Variants in SLC17A4 observed in about 807,000 individuals in gnomAD.
The protein encoded by SLC17A4 is probable small intestine urate exporter.
In SLC17A4, 33 loss-of-function variants were observed where a neutral mutation model predicts 52.5. That is an observed-to-expected ratio of 0.63 (90% confidence interval 0.48 to 0.84). SLC17A4 has a LOEUF of 0.84. SLC17A4 is among the 40% of genes least tolerant of loss of function. The probability of loss-of-function intolerance (pLI) is 0.00; values close to 1 mark genes in which losing one functional copy is unlikely to be tolerated. For synonymous variants in SLC17A4, 225 were observed against 216.2 expected (o/e 1.04, Z -0.36); for missense variants, 585 against 597.1 (o/e 0.98, Z 0.21).
intron 11 of SLC17A4, 145 bp from the exon 12 acceptor site, chr6:25,778,909 G>A: frequency 2.1e-6 from 2 of 970,014 alleles, no homozygotes; most frequent in Non-Finnish European, 3.1e-6. Context: ...AAATGTACTT[G>A]AGTATTCTAG....
chr6:25,770,617 T>C (rs538751692), intron 5 of SLC17A4, 146 bp downstream of exon 5: 182 of 746,616 alleles, frequency 2.4e-4, no homozygotes, highest in Non-Finnish European at 3.6e-4. Flanking sequence ...CCTTACTTGA[T>C]TGTAACTGAA....
intron 2 of SLC17A4, among the ~76,000 whole-genome samples, chr6:25,765,997 C>G (rs1761976877): frequency 6.6e-6 from 1 of 151,512 alleles, no homozygotes; most frequent in South Asian, 2.1e-4. Context: ...GAGACAGAAG[C>G]ATTGAAAATG....
At chr6:25,762,787 C>CAACT (rs1761658374) in intron 2 of SLC17A4, among the ~76,000 whole-genome samples, 1 of 152,160 alleles carries the variant, frequency 6.6e-6, no homozygotes, top group African/African-American at 2.4e-5. Context: ...ACTCAACCTA[C>CAACT]AACTAGTCAC....
At position 25,779,124 on chromosome 6, in the gene SLC17A4, A is replaced by T; in HGVS notation, c.1430A>T (p.Tyr477Phe). Reference protein sequence around the residue: ...AAVNISGLVFYLIFGRADVQD... With the variant: ...AAVNISGLVFFLIFGRADVQD... ...GTTAACATATCGGGCCTGGTTTTCT[A>T]CCTCATCTTTGGCCGAGCAGATGTG... The change falls in exon 12 of 12, where the codon TAC (tyrosine) becomes TTC (phenylalanine). Residue 477 changes from tyrosine to phenylalanine, a missense_variant. Coordinates refer to ENST00000377905, the MANE Select transcript of SLC17A4 (RefSeq NM_005495.3). 5.6e-6 allele frequency: 9 copies of T among 1,613,910 alleles called. No homozygotes were observed. The highest frequency in any genetic ancestry group is 7.6e-6 in the Non-Finnish European group (9 of 1,179,836).
At position 25,776,705 on chromosome 6, in the gene SLC17A4, C is replaced by T. The variant is rs201452377; in HGVS notation, c.1098C>T (p.Ile366=). ...LSRKILRLIT[I]RKLFTAIGVL... The stretch of plus-strand genomic sequence containing the variant: ...GAAAAATCCTCAGACTCATCACCAT[C>T]AGGAAACTCTTCACTGCCATTGGTA... The change falls in exon 9 of 12, where the codon ATC becomes ATT. Residue 366 remains isoleucine (I), a synonymous_variant. Transcript: ENST00000377905. The T allele has an allele frequency of 5.0e-6, 8 of 1,613,952 alleles. No individual in the cohort carries two copies. Among genetic ancestry groups the T allele is most frequent in the Non-Finnish European group, 6.8e-6 (8 of 1,179,896 alleles).
chr6:25,771,162 A>C, intron 6 of SLC17A4, 150 bp downstream of exon 6: 1 of 669,118 alleles, frequency 1.5e-6, no homozygotes. Context: ...TTTAAGTTTC[A>C]GCAGCCCGAG....
intron 11 of SLC17A4, among the ~76,000 whole-genome samples, 170 bp from the exon 12 acceptor site, chr6:25,778,884 T>G (rs1763155835): frequency 6.6e-6 from 1 of 152,120 alleles, no homozygotes; most frequent in Non-Finnish European, 1.5e-5. Context: ...GCCCAGTGCT[T>G]TGGACTCATG....
rs1215984055 is a variant in SLC17A4 at position 25,780,818 on chromosome 6, T to G, written c.*1630T>G. 1.3e-5 allele frequency: 2 copies of G among 152,160 alleles called. No individual in the cohort carries two copies. The highest frequency in any genetic ancestry group is 4.8e-5 in the African/African-American group (2 of 41,414). 9.4% of individuals were successfully genotyped at this position (152,160 alleles called of 1,614,324 possible). The stretch of plus-strand genomic sequence containing the variant: ...ATTTGATTTAGGTGGATTATTTGAT[T>G]TAGGGAATAAACCTGACGGGTCCTA... On this transcript the variant is annotated 3_prime_UTR_variant, in exon 12 of 12. Transcript: ENST00000377905.
At chr6:25,768,953 G>C (rs559737654) in intron 2 of SLC17A4, 32 bp from the exon 3 acceptor site, 1 of 1,600,382 alleles carries the variant, frequency 6.2e-7, no homozygotes, top group African/African-American at 1.3e-5. Flanking sequence ...AAAGCATTCT[G>C]ATTGTGATTT....
Position 25,779,320 on chromosome 6 carries a change from C to T in SLC17A4, c.*132C>T. On this transcript the variant is annotated 3_prime_UTR_variant, in exon 12 of 12. Transcript: ENST00000377905. ...TGACTATGTAACGCTAAAGATTTTACCATGCCTGGAAATTTTACAGGGGAA... is the reference window on the plus strand; with the variant it reads ...TGACTATGTAACGCTAAAGATTTTATCATGCCTGGAAATTTTACAGGGGAA... The T allele has an allele frequency of 7.8e-7, 1 of 1,290,026 alleles. No individual in the cohort carries two copies. The highest frequency in any genetic ancestry group is 1.1e-6 in the Non-Finnish European group (1 of 946,552). 79.9% of individuals were successfully genotyped at this position (1,290,026 alleles called of 1,614,324 possible). A position where few individuals can be genotyped will look rare whatever the true frequency, so the allele number is the denominator to read the frequency against.
chr6:25,776,998 T>A (rs1466519252), intron 10 of SLC17A4, 39 bp downstream of exon 10: 22 of 1,569,168 alleles, frequency 1.4e-5, no homozygotes, highest in Non-Finnish European at 1.8e-5. Context: ...AGACACTCAA[T>A]TCAAGTCTAG....
intron 11 of SLC17A4, 65 bp from the exon 12 acceptor site, chr6:25,778,989 C>A (rs926690628): frequency 1.3e-6 from 2 of 1,590,954 alleles, no homozygotes; most frequent in Non-Finnish European, 1.7e-6. Context: ...AGAGCCAAAG[C>A]CTTTCTGAAC....
chr6:25,759,546 GTC>G (rs1761347464), intron 1 of SLC17A4, among the ~76,000 whole-genome samples: 2 of 152,144 alleles, frequency 1.3e-5, no homozygotes, highest in Admixed American at 6.5e-5. Context: ...GCTATATAAT[GTC>G]TCTCTTTATC....
intron 10 of SLC17A4, 35 bp downstream of exon 10, chr6:25,776,994 T>C (rs1203987373): frequency 6.4e-7 from 1 of 1,570,478 alleles, no homozygotes; most frequent in Admixed American, 1.8e-5. Context: ...TTTCAGACAC[T>C]CAATTCAAGT....
In SLC17A4 at chr6:25,770,129, C is replaced by A; in HGVS notation, c.360C>A (p.Gly120=). 3 of 1,614,106 alleles carry A rather than the reference C, an allele frequency of 1.9e-6. No homozygotes were observed. Among genetic ancestry groups the A allele is most frequent in the Non-Finnish European group, 2.5e-6 (3 of 1,179,988 alleles). The change falls in exon 4 of 12, where the codon GGC becomes GGA. Residue 120 remains glycine (G), a synonymous_variant. Transcript: ENST00000377905. ...TCATCCTCAGCTCCCTCAACTATGG[C>A]TCATTCTTGGCTCCAATCCCCAGTG... ...QGIILSSLNY[G]SFLAPIPSGY...
chr6:25,769,050 C>T lies in SLC17A4; in HGVS notation c.157C>T (p.Gln53Ter). Residue 53 changes from glutamine (Q) to a stop codon, truncating the protein, a stop_gained, in exon 3 of 12, where the codon CAA (glutamine) becomes TAA (stop). Coordinates refer to ENST00000377905, the MANE Select transcript of SLC17A4 (RefSeq NM_005495.3). LOFTEE classifies it high-confidence loss of function. ...LQLCNFSIYT[Q>*]QMNLSIAIPA... ...GCTCTGTAATTTTTCAATTTACACCCAACAAATGAACTTGAGCATTGCCAT... is the reference window on the plus strand; with the variant it reads ...GCTCTGTAATTTTTCAATTTACACCTAACAAATGAACTTGAGCATTGCCAT... The T allele has an allele frequency of 6.2e-7, 1 of 1,613,948 alleles. No homozygotes were observed. The highest frequency in any genetic ancestry group is 8.5e-7 in the Non-Finnish European group (1 of 1,180,006).
intron 1 of SLC17A4, among the ~76,000 whole-genome samples, chr6:25,758,660 G>A (rs1194687735): frequency 6.6e-6 from 1 of 152,108 alleles, no homozygotes; most frequent in East Asian, 1.9e-4. Context: ...TTCAAATTGA[G>A]CTTATTTGGA....
At chr6:25,765,229 A>G (rs919576615) in intron 2 of SLC17A4, among the ~76,000 whole-genome samples, 2 of 152,374 alleles carry the variant, frequency 1.3e-5, no homozygotes, top group Admixed American at 1.3e-4. Flanking sequence ...CACTTATGAA[A>G]GATAACAGTT....
chr6:25,761,868 T>A (rs1334519147), intron 1 of SLC17A4, 59 bp from the exon 2 acceptor site: 1 of 955,382 alleles, frequency 1.0e-6, no homozygotes, highest in Non-Finnish European at 1.6e-6. Flanking sequence ...TTAGAAAGAA[T>A]TGGGGTAATA....
Sources: gnomAD v4.1 joint callset for allele counts (sites outside exome capture counted in the v4.1 genomes callset) on GRCh38, gnomAD v4.1.1 for gene constraint, MANE v1.5 for transcripts, NCBI Gene and HGNC (gene_info 2026-07-23, HGNC 2026-07-21) for gene names.